WLS: variants seen among roughly 807,000 people sequenced by gnomAD.
The protein encoded by WLS is Wnt ligand secretion mediator.
In WLS, 23 loss-of-function variants were observed where a neutral mutation model predicts 62.8. That is an observed-to-expected ratio of 0.37 (90% CI 0.26 to 0.52). The LOEUF is 0.52. Ranked by LOEUF, WLS falls within the 20% of genes least tolerant of loss-of-function variation. WLS has a pLI of 0.92. For synonymous variants in WLS, 246 were observed against 244.1 expected, an observed-to-expected ratio of 1.01 and a Z score of -0.07; for missense variants, 615 against 697.3, an observed-to-expected ratio of 0.88 and a Z score of 1.33.
In WLS at chr1:68,145,876, T is replaced by A. The variant is rs777234805; in HGVS notation, c.1271A>T (p.His424Leu). Reference sequence around the variant, plus strand: ...GCCAAGAAATCTGCCCACCTCATAGTGTAGCCGCCGGACTTTGCTCATAGC... The same window carrying A: ...GCCAAGAAATCTGCCCACCTCATAGAGTAGCCGCCGGACTTTGCTCATAGC... Reference protein sequence around the residue: ...LPAMSKVRRLHYEGLIFRFKF... With the variant: ...LPAMSKVRRLLYEGLIFRFKF... The change falls in exon 9 of 12, where the codon CAC becomes CTC. Residue 424 changes from histidine to leucine, a missense_variant. His to Leu is a moderately conservative substitution (Grantham distance 99). Coordinates refer to ENST00000262348, the MANE Select transcript of WLS (RefSeq NM_024911.7). 6.2e-7 allele frequency: 1 copy of A among 1,614,134 alleles called. No homozygotes were observed. Among genetic ancestry groups the A allele is most frequent in the Non-Finnish European group, 8.5e-7 (1 of 1,180,020 alleles).
intron 10 of WLS, among the ~76,000 whole-genome samples, chr1:68,140,865 C>G (rs1222957884): frequency 6.6e-6 from 1 of 152,086 alleles, no homozygotes; most frequent in African/African-American, 2.4e-5. Flanking sequence ...CAATGAGCAG[C>G]CTCAACAGAG....
At chr1:68,144,525 C>A (rs769382603) in intron 10 of WLS, 44 bp downstream of exon 10, 17 of 1,574,752 alleles carry the variant, frequency 1.1e-5, no homozygotes, top group Non-Finnish European at 1.0e-5. Context: ...GTAGAGGGAT[C>A]TCTGCAGAGA....
intron 11 of WLS, among the ~76,000 whole-genome samples, chr1:68,116,523 G>A (rs148980114): frequency 6.6e-6 from 1 of 152,298 alleles, no homozygotes; most frequent in East Asian, 1.9e-4. Flanking sequence ...TGTGACCTTA[G>A]GGAAATCACC....
chr1:68,122,684 AT>A (rs1646378291), downstream of WLS, among the ~76,000 whole-genome samples: 1 of 152,132 alleles, frequency 6.6e-6, no homozygotes, highest in Non-Finnish European at 1.5e-5. Flanking sequence ...CCAATAATAA[AT>A]TTTTTCTCTA....
At chr1:68,124,824 C>T (rs1047139285), downstream of WLS, among the ~76,000 whole-genome samples, 16 of 152,172 alleles carry the variant, frequency 1.1e-4, no homozygotes, top group African/African-American at 3.9e-4. Flanking sequence ...GACCTCCAGA[C>T]CTCAGTGTCT....
Position 68,098,654 on chromosome 1 carries a change from T to C in WLS, c.1610A>G (p.Asp537Gly), listed in dbSNP as rs1646038295. 2.5e-6 allele frequency: 4 copies of C among 1,614,002 alleles called. No individual in the cohort carries two copies. In the East Asian group the frequency reaches 8.9e-5, roughly 36 times the overall value. The change falls in exon 12 of 12, where the codon GAC becomes GGC. Residue 537 changes from aspartate (D) to glycine (G), a missense_variant. By Grantham distance (94) the Asp-to-Gly change is moderately conservative (BLOSUM62 -1). Transcript: ENST00000354777. ...GACTCAAATACCAGAAGCTGCGTTG[T>C]CATTGATGAAGGAATATTTCGAAGC... is the stretch of plus-strand genomic sequence containing the variant.
chr1:68,163,000 G>T (rs3205417), intron 2 of WLS: 1 of 1,593,020 alleles, frequency 6.3e-7, no homozygotes, highest in Non-Finnish European at 8.6e-7. Context: ...GGGCAGGAGT[G>T]CAGGGGGCCG....
At chr1:68,152,801 A>G (rs1485119398) in intron 5 of WLS, among the ~76,000 whole-genome samples, 6 of 152,196 alleles carry the variant, frequency 3.9e-5, no homozygotes, top group Admixed American at 3.9e-4. Flanking sequence ...ACATGTTTGT[A>G]TATTAATAGA....
intron 1 of WLS, among the ~76,000 whole-genome samples, chr1:68,196,857 GTCAA>G (rs1648690374): frequency 6.6e-6 from 1 of 152,046 alleles, no homozygotes; most frequent in African/African-American, 2.4e-5. Flanking sequence ...AGAAATATGA[GTCAA>G]TCAAACTTTG....
chr1:68,176,878 A>C (rs987019245), intron 2 of WLS, among the ~76,000 whole-genome samples: 2 of 152,206 alleles, frequency 1.3e-5, no homozygotes, highest in African/African-American at 4.8e-5. Flanking sequence ...TCTAGCATTG[A>C]GCCTGCAGAG....
intron 7 of WLS, among the ~76,000 whole-genome samples, 159 bp from the exon 8 acceptor site, chr1:68,148,358 A>C (rs559036028): frequency 1.3e-5 from 2 of 152,356 alleles, no homozygotes; most frequent in South Asian, 4.1e-4. Context: ...AGCTTGTAGA[A>C]TACATCGGCC....
At chr1:68,099,022 C>T (rs992290666) in intron 11 of WLS, among the ~76,000 whole-genome samples, 4 of 152,106 alleles carry the variant, frequency 2.6e-5, no homozygotes, top group South Asian at 2.1e-4. Context: ...CAACACCTCC[C>T]GAGCAGCACT....
chr1:68,144,532 G>A (rs762724229), intron 10 of WLS, 37 bp downstream of exon 10: 1 of 1,587,536 alleles, frequency 6.3e-7, no homozygotes, highest in Non-Finnish European at 8.6e-7. Flanking sequence ...GATCTCTGCA[G>A]AGACATTCTC....
intron 10 of WLS, chr1:68,142,576 C>T (rs1472669158): frequency 6.6e-6 from 1 of 152,218 alleles, no homozygotes; most frequent in African/African-American, 2.4e-5. Flanking sequence ...AACACTCTTT[C>T]AGAGTTTGAA....
intron 11 of WLS, among the ~76,000 whole-genome samples, chr1:68,110,287 C>T (rs1646207595): frequency 6.6e-6 from 1 of 151,934 alleles, no homozygotes; most frequent in Non-Finnish European, 1.5e-5. Flanking sequence ...GAATAATCTA[C>T]ACTACTTTAT....
At chr1:68,127,676 T>G in intron 11 of WLS, among the ~76,000 whole-genome samples, 1 of 152,118 alleles carries the variant, frequency 6.6e-6, no homozygotes, top group Middle Eastern at 3.4e-3. Flanking sequence ...ACATATCATA[T>G]GATAAGTTTT....
intron 1 of WLS, among the ~76,000 whole-genome samples, chr1:68,224,603 C>T (rs552070454): frequency 3.0e-4 from 46 of 152,262 alleles, no homozygotes; most frequent in African/African-American, 1.1e-3. Context: ...TGAGGTTCAG[C>T]CCTCCCTAGC....
chr1:68,178,335 T>C (rs1487926660), intron 2 of WLS, among the ~76,000 whole-genome samples: 1 of 152,210 alleles, frequency 6.6e-6, no homozygotes, highest in African/African-American at 2.4e-5. Flanking sequence ...TGAGTACACA[T>C]GGAATATTTA....
intron 3 of WLS, among the ~76,000 whole-genome samples, chr1:68,156,129 G>A (rs2100488439): frequency 6.6e-6 from 1 of 152,260 alleles, no homozygotes; most frequent in East Asian, 1.9e-4. Context: ...ACCTGCTGAG[G>A]GGTGGGGGCC....
Sources: allele counts gnomAD v4.1 joint callset (sites outside exome capture counted in the v4.1 genomes callset), GRCh38; gene constraint gnomAD v4.1.1; transcripts MANE v1.5; gene names NCBI Gene and HGNC (gene_info 2026-07-23, HGNC 2026-07-21).